Variants in HDGFL1 observed in about 807,000 individuals in gnomAD.
The protein encoded by HDGFL1 is hepatoma-derived growth factor-like protein 1.
For missense variants in HDGFL1, 422 were observed against 365.3 expected (o/e 1.16, Z -1.27); for synonymous variants, 190 against 165.1 (o/e 1.15, Z -1.16).
Position 22,570,282 on chromosome 6 carries a change from A to T in HDGFL1, c.707A>T (p.Gln236Leu), listed in dbSNP as rs757055634. Residue 236 changes from glutamine (Q) to leucine (L), a missense_variant, in exon 1 of 1, where the codon CAG becomes CTG. Physicochemically the swap from Gln to Leu is moderately radical, Grantham distance 113. Transcript: ENST00000510882. ...GAAGTCGCGGACGAGGAGGCCTCCCAGGAGTGGCATGCCGAGGCACCGGGC... is the reference window on the plus strand; with the variant it reads ...GAAGTCGCGGACGAGGAGGCCTCCCTGGAGTGGCATGCCGAGGCACCGGGC... ...EEEVADEEAS[Q>L]EWHAEAPGGG... The T allele has an allele frequency of 6.6e-7, 1 of 1,517,092 alleles. No individual in the cohort carries two copies. The highest frequency in any genetic ancestry group is 2.3e-5 in the East Asian group (1 of 42,856). The allele number at this position is 1,517,092 out of a possible 1,614,324, so 94.0% of individuals were successfully genotyped here. A position where few individuals can be genotyped will look rare whatever the true frequency, so the allele number is the denominator to read the frequency against.
rs1459062384 is a variant in HDGFL1 at position 22,570,259 on chromosome 6, A to G, written c.684A>G (p.Glu228=). ...QPEEEELREE[E]VADEEASQEW... ...AGGAGGAGGAGCTCCGGGAGGAAGA[A>G]GTCGCGGACGAGGAGGCCTCCCAGG... is the stretch of plus-strand genomic sequence containing the variant. The change falls in exon 1 of 1, where the codon GAA becomes GAG. Residue 228 remains glutamate (E), a synonymous_variant. Coordinates refer to ENST00000510882, the MANE Select transcript of HDGFL1 (RefSeq NM_138574.4). 1.9e-6 allele frequency: 3 copies of G among 1,546,076 alleles called. No homozygotes were observed. The highest frequency in any genetic ancestry group is 2.6e-6 in the Non-Finnish European group (3 of 1,152,498).
In HDGFL1 at chr6:22,570,258, A is replaced by G. The variant is rs1406555149; in HGVS notation, c.683A>G (p.Glu228Gly). 2.6e-6 allele frequency: 4 copies of G among 1,547,910 alleles called. No homozygotes were observed. Among genetic ancestry groups the G allele is most frequent in the Middle Eastern group, 1.7e-4 (1 of 5,854 alleles). ...QPEEEELREE[E>G]VADEEASQEW... ...GAGGAGGAGGAGCTCCGGGAGGAAG[A>G]AGTCGCGGACGAGGAGGCCTCCCAG... Residue 228 changes from glutamate to glycine, a missense_variant, in exon 1 of 1, where the codon GAA (glutamate) becomes GGA (glycine). Coordinates refer to ENST00000510882, the MANE Select transcript of HDGFL1 (RefSeq NM_138574.4).
In HDGFL1 at chr6:22,569,725, C is replaced by T. The variant is rs756614015; in HGVS notation, c.150C>T (p.Phe50=). ...VFFFGTHETA[F]LSPKRLFPYK... ...TCTTCGGGACCCACGAGACGGCCTT[C>T]CTGAGTCCCAAACGCCTGTTCCCGT... is the stretch of plus-strand genomic sequence containing the variant. The change falls in exon 1 of 1, where the codon TTC becomes TTT. Residue 50 remains phenylalanine (F), a synonymous_variant. Transcript: ENST00000510882. The T allele has an allele frequency of 3.5e-5, 56 of 1,614,174 alleles. No individual in the cohort carries two copies. Among genetic ancestry groups the T allele is most frequent in the Non-Finnish European group, 4.5e-5 (53 of 1,180,026 alleles).
rs939600759 is a variant in HDGFL1 at position 22,571,070 on chromosome 6, G to A, written c.*739G>A. ...AAACTTAACTTTGCCCAATATCCTG[G>A]TTGGGGACCGTGAGAAATATCTGTC... On this transcript the variant is annotated 3_prime_UTR_variant, in exon 1 of 1. Transcript: ENST00000510882. 6.0e-6 allele frequency: 1 copy of A among 167,014 alleles called. No individual in the cohort carries two copies. The highest frequency in any genetic ancestry group is 1.5e-5 in the Non-Finnish European group (1 of 68,126). The allele number at this position is 167,014 out of a possible 1,614,324, so 10.3% of individuals were successfully genotyped here. A position where few individuals can be genotyped will look rare whatever the true frequency, so the allele number is the denominator to read the frequency against.
At position 22,570,605 on chromosome 6, in the gene HDGFL1, C is replaced by A. The variant is rs1760908276; in HGVS notation, c.*274C>A. ...ATCCCAGCTTCCGGCTCCCTCTTCTCCCCCCTCTACCCGCCACCCCACCCC... is the reference window on the plus strand; with the variant it reads ...ATCCCAGCTTCCGGCTCCCTCTTCTACCCCCTCTACCCGCCACCCCACCCC... On this transcript the variant is annotated 3_prime_UTR_variant, in exon 1 of 1. Coordinates refer to ENST00000510882, the MANE Select transcript of HDGFL1 (RefSeq NM_138574.4). 2 of 356,966 alleles carry A rather than the reference C, an allele frequency of 5.6e-6. No individual in the cohort carries two copies. Among genetic ancestry groups the A allele is most frequent in the African/African-American group, 2.2e-5 (1 of 44,576 alleles). The allele number at this position is 356,966 out of a possible 1,614,324, so 22.1% of individuals were successfully genotyped here. A position where few individuals can be genotyped will look rare whatever the true frequency, so the allele number is the denominator to read the frequency against.
Position 22,569,747 on chromosome 6 carries a change from C to T in HDGFL1, c.172C>T (p.Pro58Ser), listed in dbSNP as rs990347002. The change falls in exon 1 of 1, where the codon CCG becomes TCG. Residue 58 changes from proline (P) to serine (S), a missense_variant. By Grantham distance (74) the Pro-to-Ser change is moderately conservative (BLOSUM62 -1). Coordinates refer to ENST00000510882, the MANE Select transcript of HDGFL1 (RefSeq NM_138574.4). Reference sequence around the variant, plus strand: ...CTTCCTGAGTCCCAAACGCCTGTTCCCGTACAAGGAGTGCAAGGAGAAGTT... The same window carrying T: ...CTTCCTGAGTCCCAAACGCCTGTTCTCGTACAAGGAGTGCAAGGAGAAGTT... ...TAFLSPKRLF[P>S]YKECKEKFGK... The T allele has an allele frequency of 1.9e-6, 3 of 1,614,004 alleles. No individual in the cohort carries two copies. The highest frequency in any genetic ancestry group is 2.7e-5 in the African/African-American group (2 of 74,946).
In HDGFL1 at chr6:22,569,776, C is replaced by T; in HGVS notation, c.201C>T (p.Gly67=). The change falls in exon 1 of 1, where the codon GGC becomes GGT. Residue 67 remains glycine (G), a synonymous_variant. Coordinates refer to ENST00000510882, the MANE Select transcript of HDGFL1 (RefSeq NM_138574.4). ...FPYKECKEKF[G]KPNKRRGFSA... ...ACAAGGAGTGCAAGGAGAAGTTCGG[C>T]AAGCCCAACAAGAGGCGCGGCTTCA... 6.2e-7 allele frequency: 1 copy of T among 1,614,110 alleles called. No homozygotes were observed. The highest frequency in any genetic ancestry group is 8.5e-7 in the Non-Finnish European group (1 of 1,180,016).
chr6:22,570,866 T>C lies in HDGFL1; in HGVS notation c.*535T>C, dbSNP rs539222890. ...AGTTAGCGGGCAGGAGAGCGACATC[T>C]TCCTGAGCTCCTGTCCATGCCTGCC... is the stretch of plus-strand genomic sequence containing the variant. On this transcript the variant is annotated 3_prime_UTR_variant, in exon 1 of 1. Transcript: ENST00000510882. 4.8e-5 allele frequency: 8 copies of C among 167,560 alleles called. No homozygotes were observed. The East Asian group carries it at 1.5e-3, about 32-fold the overall frequency. The allele number at this position is 167,560 out of a possible 1,614,324, so 10.4% of individuals were successfully genotyped here. A position where few individuals can be genotyped will look rare whatever the true frequency, so the allele number is the denominator to read the frequency against.
In HDGFL1 at chr6:22,570,353, C is replaced by G. The variant is rs752290548; in HGVS notation, c.*22C>G. 12 of 1,435,508 alleles carry G rather than the reference C, an allele frequency of 8.4e-6. No homozygotes were observed. The highest frequency in any genetic ancestry group is 1.1e-5 in the Non-Finnish European group (12 of 1,094,816). 88.9% of individuals were successfully genotyped at this position (1,435,508 alleles called of 1,614,324 possible). On this transcript the variant is annotated 3_prime_UTR_variant, in exon 1 of 1. Transcript: ENST00000510882. Reference sequence around the variant, plus strand: ...GTAGTTACCAGCGTTTCCAGAAGAGCCCCTGCCCCGTTCCTGCTGCGGCCT... The same window carrying G: ...GTAGTTACCAGCGTTTCCAGAAGAGGCCCTGCCCCGTTCCTGCTGCGGCCT...
chr6:22,569,883 A>G lies in HDGFL1; in HGVS notation c.308A>G (p.Asp103Gly). ...TTAGCCTCAGAGAAGGGCAGCGGAG[A>G]CGGGCCTTGGCCGGAGCCCGAGGCC... is the stretch of plus-strand genomic sequence containing the variant. ...CPLASEKGSG[D>G]GPWPEPEAAE... The change falls in exon 1 of 1, where the codon GAC becomes GGC. Residue 103 changes from aspartate to glycine, a missense_variant. By Grantham distance (94) the Asp-to-Gly change is moderately conservative. Coordinates refer to ENST00000510882, the MANE Select transcript of HDGFL1 (RefSeq NM_138574.4). 6.3e-7 allele frequency: 1 copy of G among 1,577,002 alleles called. No individual in the cohort carries two copies. Among genetic ancestry groups the G allele is most frequent in the Non-Finnish European group, 8.6e-7 (1 of 1,161,806 alleles).
rs1760915772 is a variant in HDGFL1 at position 22,571,033 on chromosome 6, T to C, written c.*702T>C. On this transcript the variant is annotated 3_prime_UTR_variant, in exon 1 of 1. Transcript: ENST00000510882. ...AACGTTTGGGGGCTTCCAAGTTGTT[T>C]GTGAGATCTGAAAACTTAACTTTGC... 6.0e-6 allele frequency: 1 copy of C among 166,998 alleles called. No homozygotes were observed. The highest frequency in any genetic ancestry group is 1.5e-5 in the Non-Finnish European group (1 of 68,126). 10.3% of individuals were successfully genotyped at this position (166,998 alleles called of 1,614,324 possible).
chr6:22,570,432 C>T lies in HDGFL1; in HGVS notation c.*101C>T, dbSNP rs1760904795. The stretch of plus-strand genomic sequence containing the variant: ...GTGCAAACTGGGACTGCCTTTCCCT[C>T]TCCTCAGCCCGTCCTCCTCCAACCC... On this transcript the variant is annotated 3_prime_UTR_variant, in exon 1 of 1. Transcript: ENST00000510882. The T allele has an allele frequency of 1.6e-6, 2 of 1,251,590 alleles. No individual in the cohort carries two copies. Among genetic ancestry groups the T allele is most frequent in the African/African-American group, 1.6e-5 (1 of 62,850 alleles). The allele number at this position is 1,251,590 out of a possible 1,614,324, so 77.5% of individuals were successfully genotyped here.
Position 22,569,918 on chromosome 6 carries a change from G to T in HDGFL1, c.343G>T (p.Asp115Tyr). The change falls in exon 1 of 1, where the codon GAC (aspartate) becomes TAC (tyrosine). Residue 115 changes from aspartate to tyrosine, a missense_variant. By Grantham distance (160) the Asp-to-Tyr change is radical. Transcript: ENST00000510882. ...GCCGGAGCCCGAGGCCGCAGAGGGC[G>T]ACGAGGACAAGCCGACCCACGCTGG... ...PWPEPEAAEG[D>Y]EDKPTHAGGG... 6.4e-7 allele frequency: 1 copy of T among 1,555,944 alleles called. No homozygotes were observed. The highest frequency in any genetic ancestry group is 8.7e-7 in the Non-Finnish European group (1 of 1,150,382).
At position 22,569,977 on chromosome 6, in the gene HDGFL1, C is replaced by G. The variant is rs114200538; in HGVS notation, c.402C>G (p.Asp134Glu). Residue 134 changes from aspartate (D) to glutamate (E), a missense_variant, in exon 1 of 1, where the codon GAC becomes GAG. Asp to Glu is a conservative substitution (Grantham distance 45). Transcript: ENST00000510882. ...GGGDELGKPD[D>E]DKPTEEEKGP... ...GCGACGAATTGGGGAAGCCGGACGACGACAAGCCCACTGAGGAGGAGAAGG... is the reference window on the plus strand; with the variant it reads ...GCGACGAATTGGGGAAGCCGGACGAGGACAAGCCCACTGAGGAGGAGAAGG... 1,153 of 1,549,348 alleles carry G rather than the reference C, an allele frequency of 7.4e-4. 7 individuals are homozygous for G. In the African/African-American group the frequency reaches 0.014, roughly 19 times the overall value.
chr6:22,570,228 A>G lies in HDGFL1; in HGVS notation c.653A>G (p.Gln218Arg). ...SEPGLVCEPP[Q>R]PEEEELREEE... The stretch of plus-strand genomic sequence containing the variant: ...CCGGGCCTGGTCTGCGAGCCGCCTC[A>G]GCCAGAGGAGGAGGAGCTCCGGGAG... Residue 218 changes from glutamine to arginine, a missense_variant, in exon 1 of 1, where the codon CAG becomes CGG. Transcript: ENST00000510882. The G allele has an allele frequency of 6.4e-7, 1 of 1,564,394 alleles. No homozygotes were observed.
rs967527747 is a variant in HDGFL1, at chr6:22,569,671, G to C, written c.96G>C (p.Met32Ile). 31 of 1,614,052 alleles carry C rather than the reference G, an allele frequency of 1.9e-5. No individual in the cohort carries two copies. Among genetic ancestry groups the C allele is most frequent in the Non-Finnish European group, 2.6e-5 (31 of 1,180,036 alleles). ...ACTGGCCGGCGAGGATAGAGCACATGACCCAGCCCAACCGCTACCAGGTGT... is the reference window on the plus strand; with the variant it reads ...ACTGGCCGGCGAGGATAGAGCACATCACCCAGCCCAACCGCTACCAGGTGT... Reference protein sequence around the residue: ...YAHWPARIEHMTQPNRYQVFF... With the variant: ...YAHWPARIEHITQPNRYQVFF... Residue 32 changes from methionine to isoleucine, a missense_variant, in exon 1 of 1, where the codon ATG (methionine) becomes ATC (isoleucine). Transcript: ENST00000510882.
chr6:22,570,519 C>G lies in HDGFL1; in HGVS notation c.*188C>G. 1 of 487,230 alleles carries G rather than the reference C, an allele frequency of 2.1e-6. No individual in the cohort carries two copies. The highest frequency in any genetic ancestry group is 2.0e-5 in the African/African-American group (1 of 49,390). 30.2% of individuals were successfully genotyped at this position (487,230 alleles called of 1,614,324 possible). On this transcript the variant is annotated 3_prime_UTR_variant, in exon 1 of 1. Coordinates refer to ENST00000510882, the MANE Select transcript of HDGFL1 (RefSeq NM_138574.4). ...CCACCTGACTCTCACCTCTGTGCCC[C>G]CACGCCTCTGTGATCTGAGTCAGGG... is the stretch of plus-strand genomic sequence containing the variant.
Position 22,570,541 on chromosome 6 carries a change from A to G in HDGFL1, c.*210A>G. Reference sequence around the variant, plus strand: ...CCCCCACGCCTCTGTGATCTGAGTCAGGGCCTCAGTTCCCTCCCTGGGATA... The same window carrying G: ...CCCCCACGCCTCTGTGATCTGAGTCGGGGCCTCAGTTCCCTCCCTGGGATA... On this transcript the variant is annotated 3_prime_UTR_variant, in exon 1 of 1. Coordinates refer to ENST00000510882, the MANE Select transcript of HDGFL1 (RefSeq NM_138574.4). 1 of 434,956 alleles carries G rather than the reference A, an allele frequency of 2.3e-6. No homozygotes were observed. Among genetic ancestry groups the G allele is most frequent in the Non-Finnish European group, 4.1e-6 (1 of 245,174 alleles). 26.9% of individuals were successfully genotyped at this position (434,956 alleles called of 1,614,324 possible).
rs769888374 is a variant in HDGFL1 at position 22,570,217 on chromosome 6, C to G, written c.642C>G (p.Cys214Trp). 6.4e-7 allele frequency: 1 copy of G among 1,564,860 alleles called. No individual in the cohort carries two copies. Among genetic ancestry groups the G allele is most frequent in the South Asian group, 1.2e-5 (1 of 85,340 alleles). The change falls in exon 1 of 1, where the codon TGC becomes TGG. Residue 214 changes from cysteine (C) to tryptophan (W), a missense_variant. By Grantham distance (215) the Cys-to-Trp change is radical. Transcript: ENST00000510882. Reference protein sequence around the residue: ...GSAPSEPGLVCEPPQPEEEEL... With the variant: ...GSAPSEPGLVWEPPQPEEEEL... The stretch of plus-strand genomic sequence containing the variant: ...CCCCTAGCGAGCCGGGCCTGGTCTG[C>G]GAGCCGCCTCAGCCAGAGGAGGAGG...
Sources: allele counts gnomAD v4.1 joint callset, GRCh38; gene constraint gnomAD v4.1.1; transcripts MANE v1.5; gene names NCBI Gene and HGNC (gene_info 2026-07-23, HGNC 2026-07-21).